The following BAIAP2 variants were observed in gnomAD, a reference collection of about 807,000 sequenced individuals.
The protein encoded by BAIAP2 is BAR/IMD domain-containing adapter protein 2.
In BAIAP2, 18 loss-of-function variants were observed where a neutral mutation model predicts 63.0. The observed-to-expected ratio is 0.29, with a 90% CI of 0.20 to 0.42. The LOEUF is 0.42. Ranked by LOEUF, BAIAP2 falls within the 10% of genes least tolerant of loss-of-function variation. BAIAP2 has a pLI of 1.00. For synonymous variants in BAIAP2, 386 were observed against 307.6 expected, an observed-to-expected ratio of 1.25 and a Z score of -2.67; for missense variants, 610 against 734.3, an observed-to-expected ratio of 0.83 and a Z score of 1.96.
intron 1 of BAIAP2, among the ~76,000 whole-genome samples, chr17:81,038,410 C>T (rs2046598146): frequency 1.3e-5 from 2 of 152,358 alleles, no homozygotes; most frequent in Middle Eastern, 3.4e-3. Flanking sequence ...ACCACCTTCT[C>T]TGGGCATAGT....
rs72854107 is a variant in BAIAP2, at chr17:81,080,148, G to A, written c.218-4684G>A. Among the ~76,000 whole-genome samples, 1,205 of 152,314 alleles carry A rather than the reference G, an allele frequency of 7.9e-3. 8 individuals are homozygous for A. Among genetic ancestry groups the A allele is most frequent in the Non-Finnish European group, 0.012 (844 of 68,026 alleles). On this transcript the variant is annotated intron_variant, in intron 3 of 13. Transcript: ENST00000428708. ...ATCTTAGGGTCTTGGCATTCCTTAG[G>A]GGCCTGGTGCTCCATGTGCCCCGTC...
chr17:81,063,571 G>T (rs569836510), intron 3 of BAIAP2, among the ~76,000 whole-genome samples: 9 of 152,312 alleles, frequency 5.9e-5, no homozygotes, highest in Admixed American at 1.3e-4. Context: ...TGAAGGAGGC[G>T]TTCGTCTCAC....
chr17:81,093,961 C>T (rs572231651), intron 6 of BAIAP2, among the ~76,000 whole-genome samples: 2 of 150,264 alleles, frequency 1.3e-5, no homozygotes, highest in Non-Finnish European at 3.0e-5. Context: ...TGAGGACAGC[C>T]GTGTGGCCAT....
intron 3 of BAIAP2, among the ~76,000 whole-genome samples, chr17:81,079,325 C>T (rs199981641): frequency 2.0e-5 from 3 of 152,166 alleles, no homozygotes; most frequent in Non-Finnish European, 2.9e-5. Context: ...CTTAGCCTGG[C>T]GACCGCCCCG....
intron 1 of BAIAP2, among the ~76,000 whole-genome samples, chr17:81,039,659 C>G (rs1291700746): frequency 6.6e-6 from 1 of 151,426 alleles, no homozygotes; most frequent in African/African-American, 2.4e-5. Context: ...CAGGGGCCAC[C>G]GTTAGATGGG....
At chr17:81,113,610 C>T (rs369322459) in intron 13 of BAIAP2, among the ~76,000 whole-genome samples, 1 of 152,138 alleles carries the variant, frequency 6.6e-6, no homozygotes, top group African/African-American at 2.4e-5. Flanking sequence ...GCGCTCTCCC[C>T]ATCCCCGCCG....
chr17:81,045,269 ATGC>A (rs1243270674), intron 1 of BAIAP2, among the ~76,000 whole-genome samples: 1 of 152,124 alleles, frequency 6.6e-6, no homozygotes, highest in African/African-American at 2.4e-5. Flanking sequence ...GGAAAGGGAG[ATGC>A]TGCTGCAACC....
intron 13 of BAIAP2, chr17:81,110,347 G>T: frequency 1.0e-6 from 1 of 986,480 alleles, no homozygotes; most frequent in Non-Finnish European, 1.2e-6. Context: ...TCAAATCCAG[G>T]GGATTCCATG....
At chr17:81,080,240 C>T (rs2054371395) in intron 3 of BAIAP2, among the ~76,000 whole-genome samples, 1 of 152,256 alleles carries the variant, frequency 6.6e-6, no homozygotes, top group African/African-American at 2.4e-5. Context: ...GGCTGGGGCG[C>T]CTGCGGCACC....
chr17:81,060,111 A>G (rs558041546), intron 3 of BAIAP2, among the ~76,000 whole-genome samples: 1 of 152,290 alleles, frequency 6.6e-6, no homozygotes, highest in South Asian at 2.1e-4. Flanking sequence ...CGCTGTGTGC[A>G]TCTGCAGAGG....
At chr17:81,074,793 C>T (rs1568120637) in intron 3 of BAIAP2, among the ~76,000 whole-genome samples, 1 of 152,230 alleles carries the variant, frequency 6.6e-6, no homozygotes, top group African/African-American at 2.4e-5. Context: ...TGTCTGTGTG[C>T]ATGTACGGAT....
intron 3 of BAIAP2, among the ~76,000 whole-genome samples, chr17:81,067,784 C>T (rs1038784178): frequency 6.6e-6 from 1 of 152,242 alleles, no homozygotes; most frequent in Non-Finnish European, 1.5e-5. Flanking sequence ...AGGCCTCAGC[C>T]GGCCAGAGCA....
At chr17:81,044,460 C>T (rs888932682) in intron 1 of BAIAP2, among the ~76,000 whole-genome samples, 4 of 152,342 alleles carry the variant, frequency 2.6e-5, no homozygotes, top group South Asian at 2.1e-4. Flanking sequence ...TCTTGTAAGG[C>T]GCTGGTCCTA....
At chr17:81,092,521 G>A (rs527390125) in intron 6 of BAIAP2, among the ~76,000 whole-genome samples, 2 of 152,358 alleles carry the variant, frequency 1.3e-5, no homozygotes, top group African/African-American at 4.8e-5. Flanking sequence ...AGCGGGGCTG[G>A]GCCCGGGGGC....
At chr17:81,086,048 G>C (rs946549338) in intron 5 of BAIAP2, among the ~76,000 whole-genome samples, 1 of 152,086 alleles carries the variant, frequency 6.6e-6, no homozygotes, top group African/African-American at 2.4e-5. Flanking sequence ...AGTTCCCTGG[G>C]CTCTCGGCCC....
chr17:81,055,569 G>GTTTTT (rs1555657837), intron 2 of BAIAP2, among the ~76,000 whole-genome samples: 4 of 94,180 alleles, frequency 4.2e-5, no homozygotes, highest in Middle Eastern at 5.5e-3. Flanking sequence ...TCTGCAGGGT[G>GTTTTT]TTTTGTTTTT....
intron 1 of BAIAP2, among the ~76,000 whole-genome samples, chr17:81,042,991 C>T (rs1424414801): frequency 6.6e-6 from 1 of 152,132 alleles, no homozygotes; most frequent in Non-Finnish European, 1.5e-5. Flanking sequence ...TCAAGCAATT[C>T]CAAGAAGCTG....
chr17:81,039,455 G>C (rs2046789676), intron 1 of BAIAP2, among the ~76,000 whole-genome samples: 1 of 152,226 alleles, frequency 6.6e-6, no homozygotes, highest in Non-Finnish European at 1.5e-5. Context: ...CGATGGATGT[G>C]GCCAGGCGTT....
At chr17:81,086,728 C>A in intron 6 of BAIAP2, 148 bp downstream of exon 6, 1 of 926,256 alleles carries the variant, frequency 1.1e-6, no homozygotes, top group Non-Finnish European at 1.6e-6. Flanking sequence ...ACCTCGGGAG[C>A]GGTGGGCCTG....
Sources: gnomAD v4.1 joint callset for allele counts (sites outside exome capture counted in the v4.1 genomes callset) on GRCh38, gnomAD v4.1.1 for gene constraint, MANE v1.5 for transcripts, NCBI Gene and HGNC (gene_info 2026-07-23, HGNC 2026-07-21) for gene names.